RANBP1: variants seen among roughly 807,000 people sequenced by gnomAD.
The protein encoded by RANBP1 is RAN binding protein 1.
A neutral mutation model predicts 31.4 loss-of-function variants in RANBP1; 16 were observed. That is an observed-to-expected ratio of 0.51 (90% CI 0.34 to 0.77). The LOEUF is 0.77. RANBP1 is among the 30% of genes least tolerant of loss of function. The pLI, the probability that RANBP1 is intolerant of heterozygous loss-of-function variation, is 0.01. For synonymous variants in RANBP1, 129 were observed against 140.5 expected (o/e 0.92, Z 0.58); for missense variants, 265 against 362.0 (o/e 0.73, Z 2.17).
At position 20,117,468 on chromosome 22, in the gene RANBP1, C is replaced by G; in HGVS notation, c.246+1038C>G. The G allele has an allele frequency of 5.9e-6, 7 of 1,195,586 alleles. No individual in the cohort carries two copies. In the South Asian group the frequency reaches 1.4e-4, roughly 24 times the overall value. 74.1% of individuals were successfully genotyped at this position (1,195,586 alleles called of 1,614,324 possible). ...CAATAAAGCTGTACTGGTTTTGAAT[C>G]GCGGCGCGTTTCCCGCCGCTGGGGT... On this transcript the variant is annotated intron_variant, in intron 1 of 5. Transcript: ENST00000430524.
intron 3 of RANBP1, among the ~76,000 whole-genome samples, chr22:20,123,167 G>A (rs1187446898): frequency 3.6e-5 from 5 of 140,198 alleles, no homozygotes; most frequent in African/African-American, 5.4e-5. Context: ...AAGGTGTGTC[G>A]GGGCATGTGT....
intron 5 of RANBP1, 73 bp downstream of exon 5, chr22:20,126,441 G>T (rs763144548): frequency 3.1e-6 from 5 of 1,610,568 alleles, no homozygotes; most frequent in Non-Finnish European, 2.5e-6. Flanking sequence ...CCAGGCGGGT[G>T]CTTTTTCTGT....
chr22:20,121,376 A>G (rs1428505271), intron 2 of RANBP1, among the ~76,000 whole-genome samples: 3 of 151,898 alleles, frequency 2.0e-5, no homozygotes, highest in African/African-American at 7.3e-5. Context: ...CAGCCTCCCG[A>G]GTAGCTGGGA....
At chr22:20,126,493 AT>A in intron 5 of RANBP1, 125 bp downstream of exon 5, 1 of 1,596,274 alleles carries the variant, frequency 6.3e-7, no homozygotes, top group South Asian at 1.1e-5. Flanking sequence ...CGCCTCACGT[AT>A]CCAGAGTGAT....
intron 4 of RANBP1, 149 bp downstream of exon 4, chr22:20,125,585 G>A (rs1389981785): frequency 6.5e-7 from 1 of 1,527,234 alleles, no homozygotes; most frequent in East Asian, 2.5e-5. Flanking sequence ...CCTGCTGTTT[G>A]GGGGCCATGC....
chr22:20,125,282 A>G (rs1568984876), intron 3 of RANBP1, 26 bp from the exon 4 acceptor site: 1 of 1,611,284 alleles, frequency 6.2e-7, no homozygotes, highest in Non-Finnish European at 8.5e-7. Context: ...TCATCTCACC[A>G]TCTTCACGAG....
At chr22:20,116,452 T>C in intron 1 of RANBP1, 22 bp downstream of exon 1, 1 of 1,612,850 alleles carries the variant, frequency 6.2e-7, no homozygotes, top group Non-Finnish European at 8.5e-7. Flanking sequence ...ATCCCTGATG[T>C]AGCTGTAGAG....
chr22:20,117,739 C>G (rs2050071485), intron 1 of RANBP1: 2 of 1,086,580 alleles, frequency 1.8e-6, no homozygotes, highest in Non-Finnish European at 2.2e-6. Context: ...GTGGGCGGCC[C>G]GCGCCGCCGC....
At chr22:20,117,679 A>AAGCGGGGACAGGGTGGGCG (rs1293939913) in intron 1 of RANBP1, 17 of 809,428 alleles carry the variant, frequency 2.1e-5, no homozygotes, top group Non-Finnish European at 2.5e-5. Context: ...CGCCGGGCCC[A>AAGCGGGGACAGGGTGGGCG]AGCGGGGACA....
Position 20,118,073 on chromosome 22 carries a change from AC to A in RANBP1, c.247-939del, listed in dbSNP as rs1236142776. ...GCAGCACTTCATTCATTCGGTTCTTACGTCTGGAACCGCCACTGGCCTCTGT... is the reference window on the plus strand; with the variant it reads ...GCAGCACTTCATTCATTCGGTTCTTAGTCTGGAACCGCCACTGGCCTCTGT... On this transcript the variant is annotated intron_variant, in intron 1 of 5. Transcript: ENST00000430524. 17 of 997,342 alleles carry A rather than the reference AC, an allele frequency of 1.7e-5. No individual in the cohort carries two copies. The African/African-American group carries it at 2.3e-4, about 13-fold the overall frequency. The allele number at this position is 997,342 out of a possible 1,614,324, so 61.8% of individuals were successfully genotyped here. A position where few individuals can be genotyped will look rare whatever the true frequency, so the allele number is the denominator to read the frequency against.
Position 20,116,343 on chromosome 22 carries a change from C to A in RANBP1, c.159C>A (p.Cys53Ter), listed in dbSNP as rs1461381562. 1 of 1,612,944 alleles carries A rather than the reference C, an allele frequency of 6.2e-7. No individual in the cohort carries two copies. The highest frequency in any genetic ancestry group is 8.5e-7 in the Non-Finnish European group (1 of 1,179,998). The change falls in exon 1 of 6, where the codon TGC becomes TGA. Residue 53 changes from cysteine to a stop codon, truncating the protein, a stop_gained. Transcript: ENST00000430524. LOFTEE classifies it high-confidence loss of function. ...GCPKSLVLWG[C>*]RPKRPRKRRT... ...CAAAGAGTTTGGTTTTGTGGGGCTG[C>A]AGACCAAAGCGGCCCAGGAAGCGCC...
chr22:20,126,641 C>G, intron 5 of RANBP1: 5 of 1,516,438 alleles, frequency 3.3e-6, no homozygotes, highest in Non-Finnish European at 4.4e-6. Context: ...TGATGGTCCT[C>G]GGTTTGTCTC....
intron 1 of RANBP1, chr22:20,117,300 G>C: frequency 1.2e-6 from 1 of 863,382 alleles, no homozygotes; most frequent in Non-Finnish European, 1.5e-6. Context: ...CTCTAGAGGC[G>C]CGCGTGGCCG....
At chr22:20,116,821 T>C (rs554374554) in intron 1 of RANBP1, 2 of 1,453,490 alleles carry the variant, frequency 1.4e-6, no homozygotes, top group African/African-American at 2.9e-5. Context: ...GCAGGTTTCC[T>C]GACCCACCCC....
At chr22:20,116,862 C>T (rs748193571) in intron 1 of RANBP1, 8 of 1,602,750 alleles carry the variant, frequency 5.0e-6, no homozygotes, top group Admixed American at 3.4e-5. Flanking sequence ...CGTCTCTACC[C>T]AGCGTCTCCC....
chr22:20,125,179 C>T (rs1602551102), intron 3 of RANBP1, 129 bp from the exon 4 acceptor site: 2 of 1,055,574 alleles, frequency 1.9e-6, no homozygotes, highest in East Asian at 2.5e-5. Flanking sequence ...GGTTCTCCAA[C>T]CCCAGACTGT....
chr22:20,122,568 T>C (rs983129936), intron 3 of RANBP1, 147 bp downstream of exon 3: 1 of 1,546,962 alleles, frequency 6.5e-7, no homozygotes, highest in South Asian at 1.2e-5. Context: ...AAACCAGAAA[T>C]ACGTTTTTCA....
chr22:20,121,396 T>C (rs1216359919), intron 2 of RANBP1, among the ~76,000 whole-genome samples: 1 of 152,022 alleles, frequency 6.6e-6, no homozygotes, highest in Non-Finnish European at 1.5e-5. Flanking sequence ...ATTACAGGCA[T>C]GTGCCACCAC....
At chr22:20,120,820 C>T (rs536265095) in intron 2 of RANBP1, among the ~76,000 whole-genome samples, 2 of 151,860 alleles carry the variant, frequency 1.3e-5, no homozygotes, top group South Asian at 2.1e-4. Context: ...TCATCTAATT[C>T]TCTTGGTTGT....
Sources: allele counts gnomAD v4.1 joint callset (sites outside exome capture counted in the v4.1 genomes callset), GRCh38; gene constraint gnomAD v4.1.1; transcripts MANE v1.5; gene names NCBI Gene and HGNC (gene_info 2026-07-23, HGNC 2026-07-21).